Variants in CYP46A1 observed in about 807,000 individuals in gnomAD.
CYP46A1 encodes the protein cytochrome P450 family 46 subfamily A member 1.
A neutral mutation model predicts 63.3 loss-of-function variants in CYP46A1; 20 were observed. The ratio of observed to expected loss-of-function variants is 0.32; its 90% CI spans 0.22 to 0.46. The LOEUF is 0.46. CYP46A1 is among the 20% of genes least tolerant of loss of function. CYP46A1 has a pLI of 1.00. For missense variants in CYP46A1, 445 were observed against 670.8 expected (o/e 0.66, Z 3.72); for synonymous variants, 268 against 273.6 (o/e 0.98, Z 0.20).
intron 1 of CYP46A1, among the ~76,000 whole-genome samples, chr14:99,688,575 C>T (rs1284037844): frequency 6.6e-6 from 1 of 152,118 alleles, no homozygotes; most frequent in Non-Finnish European, 1.5e-5. Flanking sequence ...CTAGGAGCAC[C>T]CCCACCTCCA....
chr14:99,722,644 CGT>C lies in CYP46A1; in HGVS notation c.1176+612_1176+613del, dbSNP rs10600179. Among the ~76,000 whole-genome samples, 19,124 of 142,036 alleles carry C rather than the reference CGT, an allele frequency of 0.13. 1,703 individuals carry two copies. Among genetic ancestry groups the C allele is most frequent in the African/African-American group, 0.26 (10,205 of 39,176 alleles). The allele number at this position is 142,036 out of a possible 152,430, so 93.2% of individuals were successfully genotyped here. A position where few individuals can be genotyped will look rare whatever the true frequency, so the allele number is the denominator to read the frequency against. ...ATCTGAATTGTGTGTTTGCCATTCC[CGT>C]GTGTGTGTGTGTGTGTGTGTGTGTG... is the stretch of plus-strand genomic sequence containing the variant. On this transcript the variant is annotated intron_variant, in intron 12 of 14. Transcript: ENST00000261835. This position sits in a 1 kb window ranked among gnomAD's most constrained non-coding sequence, Gnocchi z 4.6.
At chr14:99,701,838 G>A (rs2056633399) in intron 5 of CYP46A1, among the ~76,000 whole-genome samples, 1 of 152,200 alleles carries the variant, frequency 6.6e-6, no homozygotes, top group Admixed American at 6.5e-5. Flanking sequence ...GGGGGGCCAA[G>A]GCAGGCGGAT....
At chr14:99,707,881 G>A (rs1011441328) in intron 7 of CYP46A1, 1 of 565,028 alleles carries the variant, frequency 1.8e-6, no homozygotes, top group African/African-American at 1.9e-5. Flanking sequence ...TAAATTAGGA[G>A]TTAATCTTTC....
chr14:99,686,445 T>C (rs2056495128), intron 1 of CYP46A1, among the ~76,000 whole-genome samples: 1 of 152,216 alleles, frequency 6.6e-6, no homozygotes, highest in Admixed American at 6.5e-5. Flanking sequence ...GCCACCGATT[T>C]CAGAACTGTT....
intron 7 of CYP46A1, chr14:99,710,263 T>C (rs2056717561): frequency 6.6e-6 from 1 of 151,972 alleles, no homozygotes; most frequent in African/African-American, 2.4e-5. Flanking sequence ...ACAAAATATA[T>C]ACAGAAAACA....
chr14:99,721,949 T>C lies in CYP46A1; in HGVS notation c.1066-7T>C. ...CTCCTTGTTATCTCCCCTTGTGGCT[T>C]CTCTAGGTCCTCAAAGAGTCGCTGA... On this transcript the variant is annotated splice_region_variant and splice_polypyrimidine_tract_variant and intron_variant, in intron 11 of 14. Coordinates refer to ENST00000261835, the MANE Select transcript of CYP46A1 (RefSeq NM_006668.2). The C allele has an allele frequency of 6.2e-7, 1 of 1,610,754 alleles. No homozygotes were observed. Among genetic ancestry groups the C allele is most frequent in the Non-Finnish European group, 8.5e-7 (1 of 1,177,476 alleles).
intron 1 of CYP46A1, 97 bp from the exon 2 acceptor site, chr14:99,690,984 C>T: frequency 3.4e-6 from 4 of 1,177,442 alleles, no homozygotes; most frequent in Non-Finnish European, 5.1e-6. Flanking sequence ...CTCGGTCCTC[C>T]TGTCTGTGAA....
intron 3 of CYP46A1, among the ~76,000 whole-genome samples, chr14:99,692,933 T>C (rs921122976): frequency 2.6e-5 from 4 of 152,072 alleles, no homozygotes; most frequent in Non-Finnish European, 5.9e-5. Context: ...TGCTGTGGAG[T>C]TGGCAGAACT....
intron 1 of CYP46A1, among the ~76,000 whole-genome samples, chr14:99,686,719 T>C (rs534589228): frequency 1.3e-5 from 2 of 152,354 alleles, no homozygotes; most frequent in South Asian, 4.1e-4. Flanking sequence ...CCAAATCTTA[T>C]ACCACAGAGT....
chr14:99,684,589 G>T, intron 1 of CYP46A1, 53 bp downstream of exon 1: 1 of 1,392,480 alleles, frequency 7.2e-7, no homozygotes, highest in South Asian at 1.4e-5. Flanking sequence ...TGGGGGCCTG[G>T]GGACAGCGTC....
intron 12 of CYP46A1, among the ~76,000 whole-genome samples, chr14:99,723,505 C>T (rs1291481003): frequency 6.6e-6 from 1 of 152,144 alleles, no homozygotes; most frequent in African/African-American, 2.4e-5. Flanking sequence ...GATGGGGTTT[C>T]ACCAGGTTGG....
rs771415207 is a variant in CYP46A1, at chr14:99,726,679, C to T, written c.1455C>T (p.Thr485=). ...TLKPLDPVLC[T]LRPRGWQPAP... Reference sequence around the variant, plus strand: ...AGCCACTGGACCCCGTGCTGTGCACCCTGCGGCCCCGCGGCTGGCAGCCCG... The same window carrying T: ...AGCCACTGGACCCCGTGCTGTGCACTCTGCGGCCCCGCGGCTGGCAGCCCG... Residue 485 remains threonine (T), a synonymous_variant, in exon 15 of 15, where the codon ACC becomes ACT. Transcript: ENST00000261835. 4 of 1,551,316 alleles carry T rather than the reference C, an allele frequency of 2.6e-6. No individual in the cohort carries two copies. The highest frequency in any genetic ancestry group is 8.7e-7 in the Non-Finnish European group (1 of 1,147,714).
At chr14:99,694,088 T>A (rs909917704) in intron 3 of CYP46A1, among the ~76,000 whole-genome samples, 3 of 75,812 alleles carry the variant, frequency 4.0e-5, no homozygotes, top group African/African-American at 1.1e-4. Context: ...GCATTTGTCC[T>A]TTCGCATCTG....
chr14:99,684,647 C>T (rs1415557276), intron 1 of CYP46A1, 111 bp downstream of exon 1: 6 of 899,892 alleles, frequency 6.7e-6, no homozygotes, highest in Admixed American at 6.6e-5. Flanking sequence ...GTGCGCGCGG[C>T]CGCTGGGAGT....
chr14:99,701,408 T>C (rs2056629309), intron 5 of CYP46A1, among the ~76,000 whole-genome samples: 1 of 152,224 alleles, frequency 6.6e-6, no homozygotes, highest in African/African-American at 2.4e-5. Flanking sequence ...TACTGTACCT[T>C]TTCTATGTTT....
At chr14:99,690,138 C>T (rs993654689) in intron 1 of CYP46A1, among the ~76,000 whole-genome samples, 1 of 152,248 alleles carries the variant, frequency 6.6e-6, no homozygotes, top group Non-Finnish European at 1.5e-5. Context: ...TCACAAGCCA[C>T]CCTCTTAGAG....
rs758659624 is a variant in CYP46A1, at chr14:99,699,999, T to C, written c.357-16T>C. On this transcript the variant is annotated splice_polypyrimidine_tract_variant and intron_variant, in intron 4 of 14. Coordinates refer to ENST00000261835, the MANE Select transcript of CYP46A1 (RefSeq NM_006668.2). The stretch of plus-strand genomic sequence containing the variant: ...CCCCCACCCTCTTTCCCGCATCACG[T>C]GTGTGTCTCCTACAGACTCTTCGGC... 1.3e-6 allele frequency: 1 copy of C among 788,234 alleles called. No individual in the cohort carries two copies. Among genetic ancestry groups the C allele is most frequent in the Admixed American group, 2.9e-5 (1 of 34,752 alleles). The allele number at this position is 788,234 out of a possible 1,614,324, so 48.8% of individuals were successfully genotyped here. A position where few individuals can be genotyped will look rare whatever the true frequency, so the allele number is the denominator to read the frequency against.
intron 7 of CYP46A1, chr14:99,708,697 T>C (rs115987423): frequency 0.012 from 1,817 of 154,972 alleles, 26 homozygotes; most frequent in African/African-American, 0.042. Flanking sequence ...GGCCTGGGGA[T>C]TGGCTTGCCC....
In CYP46A1 at chr14:99,716,217, T is replaced by G. The variant is rs1316323247; in HGVS notation, c.907+18T>G. The G allele has an allele frequency of 4.3e-6, 7 of 1,613,762 alleles. No individual in the cohort carries two copies. Among genetic ancestry groups the G allele is most frequent in the Non-Finnish European group, 5.9e-6 (7 of 1,179,718 alleles). On this transcript the variant is annotated intron_variant, in intron 9 of 14. Transcript: ENST00000261835. ...CATTGCTGGTTTGTAGCTTTGGCGGTGGCCAAGGGCCCGGAGCTCTGCAGA... is the reference window on the plus strand; with the variant it reads ...CATTGCTGGTTTGTAGCTTTGGCGGGGGCCAAGGGCCCGGAGCTCTGCAGA...
Sources: allele counts gnomAD v4.1 joint callset (sites outside exome capture counted in the v4.1 genomes callset), GRCh38; gene constraint gnomAD v4.1.1; non-coding constraint Gnocchi (gnomAD v3.1); transcripts MANE v1.5; gene names NCBI Gene and HGNC (gene_info 2026-07-23, HGNC 2026-07-21).